The following ZCCHC17 variants were observed in gnomAD, a reference collection of about 807,000 sequenced individuals.
The protein encoded by ZCCHC17 is zinc finger CCHC domain-containing protein 17.
In ZCCHC17, 18 loss-of-function variants were observed where a neutral mutation model predicts 30.6. That is an observed-to-expected ratio of 0.59 (90% CI 0.41 to 0.87). The LOEUF is 0.87. ZCCHC17 is among the 40% of genes least tolerant of loss of function. The pLI is 0.00. For missense variants in ZCCHC17, 263 were observed against 284.2 expected (o/e 0.93, Z 0.54); for synonymous variants, 88 against 92.4 (o/e 0.95, Z 0.27).
At chr1:31,303,652 A>G (rs1326100617) in intron 1 of ZCCHC17, among the ~76,000 whole-genome samples, 1 of 152,170 alleles carries the variant, frequency 6.6e-6, no homozygotes, top group African/African-American at 2.4e-5. Context: ...GTGTACTTTA[A>G]AATTTTTTTT....
intron 2 of ZCCHC17, among the ~76,000 whole-genome samples, chr1:31,317,565 G>C (rs1646766555): frequency 6.6e-6 from 1 of 152,176 alleles, no homozygotes; most frequent in South Asian, 2.1e-4. Context: ...GGAAATGGCA[G>C]AGCTAGGATT....
rs528844240 is a variant in ZCCHC17, at chr1:31,357,431, C to G, written c.565-6601C>G. Among the ~76,000 whole-genome samples the G allele has an allele frequency of 1.5e-4, 23 of 152,316 alleles. 1 individual carries two copies. The highest frequency in any genetic ancestry group is 5.3e-4 in the African/African-American group (22 of 41,574). On this transcript the variant is annotated intron_variant, in intron 7 of 7. Transcript: ENST00000344147. Reference sequence around the variant, plus strand: ...CCCAGCTTCCTAGCATCATTTCCCACCAGTCTCTTCCCACACACTATACTC... The same window carrying G: ...CCCAGCTTCCTAGCATCATTTCCCAGCAGTCTCTTCCCACACACTATACTC...
chr1:31,358,312 A>G (rs1303713901), intron 7 of ZCCHC17, among the ~76,000 whole-genome samples: 1 of 152,246 alleles, frequency 6.6e-6, no homozygotes, highest in Non-Finnish European at 1.5e-5. Flanking sequence ...GGAGGATTTC[A>G]TCTTTCACTT....
chr1:31,339,101 A>G (rs1638933547), intron 5 of ZCCHC17, 53 bp downstream of exon 5: 3 of 1,377,276 alleles, frequency 2.2e-6, no homozygotes, highest in Non-Finnish European at 3.0e-6. Context: ...AAATCATAAA[A>G]TGGTTTAGTA....
chr1:31,352,901 T>TA (rs1395435529), intron 7 of ZCCHC17, among the ~76,000 whole-genome samples: 4 of 152,256 alleles, frequency 2.6e-5, no homozygotes, highest in Non-Finnish European at 1.5e-5. Flanking sequence ...GGTATATACC[T>TA]AATAGTAGAA....
Position 31,349,584 on chromosome 1 carries a change from C to T in ZCCHC17, c.564+610C>T, listed in dbSNP as rs555914434. 6.6e-5 allele frequency among the ~76,000 whole-genome samples: 10 copies of T among 152,268 alleles called. No individual in the cohort carries two copies. In the South Asian group the frequency reaches 1.7e-3, roughly 25 times the overall value. On this transcript the variant is annotated intron_variant, in intron 7 of 7. Transcript: ENST00000344147. ...CTGGCCTCAAGTGATCTACCCACCTCGGCCTCTGAAAGTGCTGGGATTACA... is the reference window on the plus strand; with the variant it reads ...CTGGCCTCAAGTGATCTACCCACCTTGGCCTCTGAAAGTGCTGGGATTACA...
chr1:31,349,990 T>C (rs573509026), intron 7 of ZCCHC17, among the ~76,000 whole-genome samples: 10 of 152,366 alleles, frequency 6.6e-5, no homozygotes, highest in Admixed American at 2.6e-4. Flanking sequence ...AGAAAATACT[T>C]ATCTGTCCCT....
At chr1:31,357,036 T>C (rs1639669707) in intron 7 of ZCCHC17, among the ~76,000 whole-genome samples, 1 of 152,204 alleles carries the variant, frequency 6.6e-6, no homozygotes, top group African/African-American at 2.4e-5. Context: ...CGGTGTTATG[T>C]TATGAAGAAG....
intron 7 of ZCCHC17, among the ~76,000 whole-genome samples, chr1:31,361,043 A>G (rs372298964): frequency 4.6e-5 from 7 of 152,294 alleles, no homozygotes; most frequent in East Asian, 1.9e-4. Flanking sequence ...ATTCACCTAT[A>G]TAAGGGGCAG....
At chr1:31,316,380 G>A (rs1368566782) in intron 2 of ZCCHC17, among the ~76,000 whole-genome samples, 2 of 152,168 alleles carry the variant, frequency 1.3e-5, no homozygotes, top group East Asian at 3.8e-4. Context: ...GGGATTATAG[G>A]TGTGAGCCAC....
chr1:31,324,385 T>C (rs1373393097), intron 3 of ZCCHC17, among the ~76,000 whole-genome samples: 1 of 152,266 alleles, frequency 6.6e-6, no homozygotes, highest in Non-Finnish European at 1.5e-5. Flanking sequence ...GGCTGCATGT[T>C]CTATGGAGCT....
intron 2 of ZCCHC17, among the ~76,000 whole-genome samples, chr1:31,315,377 T>C (rs1646708324): frequency 6.6e-6 from 1 of 152,160 alleles, no homozygotes; most frequent in Non-Finnish European, 1.5e-5. Flanking sequence ...TGGGACCTAG[T>C]AATTAAATAG....
chr1:31,310,797 T>G (rs907504889), intron 2 of ZCCHC17, among the ~76,000 whole-genome samples: 12 of 152,252 alleles, frequency 7.9e-5, no homozygotes, highest in Admixed American at 7.9e-4. Context: ...TCTAGATGTT[T>G]TCACCTCAAC....
At position 31,346,677 on chromosome 1, in the gene ZCCHC17, A is replaced by G. The variant is rs1199475468; in HGVS notation, c.355A>G (p.Thr119Ala). ...GCGGAGGCGATCCTTCCAGGATTACACTGGGCAGAAGATCACCCTTGAGGC... is the reference window on the plus strand; with the variant it reads ...GCGGAGGCGATCCTTCCAGGATTACGCTGGGCAGAAGATCACCCTTGAGGC... ...ERRRRSFQDY[T>A]GQKITLEAVL... The change falls in exon 6 of 8, where the codon ACT (threonine) becomes GCT (alanine). Residue 119 changes from threonine (T) to alanine (A), a missense_variant. Thr to Ala is a moderately conservative substitution (Grantham distance 58). Coordinates refer to ENST00000344147, the MANE Select transcript of ZCCHC17 (RefSeq NM_016505.4). 2 of 1,613,818 alleles carry G rather than the reference A, an allele frequency of 1.2e-6. No homozygotes were observed. Among genetic ancestry groups the G allele is most frequent in the African/African-American group, 2.7e-5 (2 of 74,908 alleles).
intron 7 of ZCCHC17, among the ~76,000 whole-genome samples, chr1:31,350,830 G>T (rs1191952562): frequency 6.6e-6 from 1 of 152,094 alleles, no homozygotes; most frequent in Non-Finnish European, 1.5e-5. Context: ...TCAAACTCCT[G>T]ACCTCAAGTG....
chr1:31,337,495 C>T (rs960782280), intron 4 of ZCCHC17, among the ~76,000 whole-genome samples: 2 of 152,106 alleles, frequency 1.3e-5, no homozygotes, highest in South Asian at 2.1e-4. Flanking sequence ...GCAATAAGTG[C>T]ACGTTTGTAA....
intron 3 of ZCCHC17, among the ~76,000 whole-genome samples, chr1:31,331,458 T>G (rs1274744254): frequency 6.6e-6 from 1 of 151,960 alleles, no homozygotes; most frequent in African/African-American, 2.4e-5. Context: ...TATCATAATA[T>G]TCTACCGAGG....
intron 5 of ZCCHC17, among the ~76,000 whole-genome samples, chr1:31,341,928 T>C (rs1639061802): frequency 6.6e-6 from 1 of 152,222 alleles, no homozygotes; most frequent in Non-Finnish European, 1.5e-5. Context: ...TTTTCTTTTT[T>C]CCTCATACTA....
At chr1:31,321,592 A>G (rs1646862545) in intron 3 of ZCCHC17, among the ~76,000 whole-genome samples, 1 of 152,164 alleles carries the variant, frequency 6.6e-6, no homozygotes, top group Non-Finnish European at 1.5e-5. Flanking sequence ...TTCATGCCTC[A>G]GCTTCCTGAG....
Sources: allele counts gnomAD v4.1 joint callset (sites outside exome capture counted in the v4.1 genomes callset), GRCh38; gene constraint gnomAD v4.1.1; transcripts MANE v1.5; gene names NCBI Gene and HGNC (gene_info 2026-07-23, HGNC 2026-07-21).